Variants in LARP4B observed in about 807,000 individuals in gnomAD.
The protein encoded by LARP4B is La ribonucleoprotein 4B.
LARP4B carries 12 observed loss-of-function variants against 89.8 expected under a neutral mutation model. The ratio of observed to expected loss-of-function variants is 0.13; its 90% CI spans 0.09 to 0.22. The LOEUF is 0.22. Among genes scored for constraint, LARP4B ranks in the 10% least tolerant of loss-of-function variants. The pLI, the probability that LARP4B is intolerant of heterozygous loss-of-function variation, is 1.00. For synonymous variants in LARP4B, 367 were observed against 363.3 expected, an observed-to-expected ratio of 1.01 and a Z score of -0.12; for missense variants, 757 against 947.7, an observed-to-expected ratio of 0.80 and a Z score of 2.64.
At position 884,450 on chromosome 10, in the gene LARP4B, A is replaced by G. The variant is rs751030608; in HGVS notation, c.138T>C (p.Ser46=). 8.2e-6 allele frequency: 13 copies of G among 1,593,806 alleles called. No homozygotes were observed. The Admixed American group carries it at 2.2e-4, about 27-fold the overall frequency. ...ATTAATCTCAAAATTGAATTACCTG[A>G]CTCAAAGGTGGGATGGAACTTGTCT... The part of the protein sequence containing the change: ...TSQTSSIPPL[S]QVPATKVSEL... Residue 46 remains serine, a synonymous_variant, in exon 3 of 18, where the codon AGT becomes AGC. Coordinates refer to ENST00000316157, the MANE Select transcript of LARP4B (RefSeq NM_015155.3).
chr10:875,951 A>G (rs1468662843), intron 3 of LARP4B, among the ~76,000 whole-genome samples: 1 of 152,162 alleles, frequency 6.6e-6, no homozygotes, highest in Non-Finnish European at 1.5e-5. Flanking sequence ...CATCAACTTA[A>G]AAGTCCAGAG....
chr10:830,043 T>C (rs1455955280), intron 9 of LARP4B, among the ~76,000 whole-genome samples: 2 of 152,216 alleles, frequency 1.3e-5, no homozygotes, highest in Non-Finnish European at 2.9e-5. Flanking sequence ...TGATGAATAC[T>C]GAGTTCCTAG....
At chr10:892,548 T>A (rs1284126161) in intron 1 of LARP4B, among the ~76,000 whole-genome samples, 1 of 152,166 alleles carries the variant, frequency 6.6e-6, no homozygotes, top group Non-Finnish European at 1.5e-5. Context: ...TCGTTAATTT[T>A]TTTTTTTTTG....
At chr10:893,501 C>T (rs577176683) in intron 1 of LARP4B, among the ~76,000 whole-genome samples, 2 of 152,278 alleles carry the variant, frequency 1.3e-5, no homozygotes, top group Admixed American at 1.3e-4. Flanking sequence ...GCTTCCTTTG[C>T]AATACACCAC....
At chr10:938,800 TTGTC>T in the LARP4B span, among the ~76,000 whole-genome samples, 9 of 152,310 alleles carry the variant, frequency 5.9e-5, no homozygotes, top group South Asian at 1.4e-3. Flanking sequence ...TGGCTGCAAT[TTGTC>T]TGTAAACTTG....
chr10:936,046 C>A (rs911610022), upstream of LARP4B, among the ~76,000 whole-genome samples: 1 of 151,998 alleles, frequency 6.6e-6, no homozygotes, highest in Non-Finnish European at 1.5e-5. Flanking sequence ...TATTTTATCC[C>A]GAAGCATTTT....
chr10:909,286 T>A (rs1278689254), intron 1 of LARP4B, among the ~76,000 whole-genome samples: 2 of 98,712 alleles, frequency 2.0e-5, no homozygotes, highest in African/African-American at 8.2e-5. Context: ...AGAGCACGAC[T>A]CCGTCTCAAA....
At chr10:891,372 T>C (rs1836013920) in intron 1 of LARP4B, among the ~76,000 whole-genome samples, 1 of 152,094 alleles carries the variant, frequency 6.6e-6, no homozygotes, top group Non-Finnish European at 1.5e-5. Context: ...AGAAAAACGA[T>C]AATCAGAGAA....
chr10:948,505 C>A, the LARP4B span, among the ~76,000 whole-genome samples: 5 of 152,340 alleles, frequency 3.3e-5, no homozygotes, highest in South Asian at 1.0e-3. Context: ...ACCTGGGCCT[C>A]CCAAGTGCCG....
intron 3 of LARP4B, among the ~76,000 whole-genome samples, chr10:870,543 C>T (rs1167721814): frequency 3.3e-5 from 5 of 152,164 alleles, no homozygotes; most frequent in African/African-American, 9.7e-5. Flanking sequence ...TCAAAACTCA[C>T]CTTAGCATTT....
At chr10:847,482 G>A (rs181635726) in intron 5 of LARP4B, among the ~76,000 whole-genome samples, 267 of 151,634 alleles carry the variant, frequency 1.8e-3, no homozygotes, top group African/African-American at 6.1e-3. Context: ...GGGACATAGA[G>A]CAACAAAGGA....
intron 3 of LARP4B, among the ~76,000 whole-genome samples, chr10:876,707 C>T (rs542143995): frequency 6.8e-6 from 1 of 146,798 alleles, no homozygotes; most frequent in African/African-American, 2.5e-5. Flanking sequence ...GCTCCCAGGC[C>T]ACTCCCATGA....
chr10:905,659 AGGGGAGGAG>A (rs1836469525), intron 1 of LARP4B, among the ~76,000 whole-genome samples: 5 of 151,568 alleles, frequency 3.3e-5, no homozygotes, highest in Admixed American at 3.3e-4. Flanking sequence ...GAACGTGGGG[AGGGGAGGAG>A]CTGAGGAGCA....
At chr10:881,940 T>C (rs1407502766) in intron 3 of LARP4B, among the ~76,000 whole-genome samples, 2 of 152,200 alleles carry the variant, frequency 1.3e-5, no homozygotes, top group African/African-American at 4.8e-5. Flanking sequence ...GATGAATGGA[T>C]GGATACTCAA....
intron 3 of LARP4B, chr10:869,904 AAAT>A (rs140243543): frequency 0.25 from 39,371 of 156,608 alleles, 5,892 homozygotes; most frequent in African/African-American, 0.39. Flanking sequence ...CTCAAAAAAT[AAAT>A]AATAATAATA....
the LARP4B span, among the ~76,000 whole-genome samples, chr10:938,593 TTTATC>T: frequency 5.3e-5 from 8 of 152,306 alleles, no homozygotes; most frequent in South Asian, 4.1e-4. Flanking sequence ...GAGAATGTCT[TTTATC>T]TTAGGAGATA....
intron 5 of LARP4B, among the ~76,000 whole-genome samples, chr10:862,466 G>C (rs529774596): frequency 2.0e-5 from 3 of 152,116 alleles, no homozygotes; most frequent in Non-Finnish European, 4.4e-5. Flanking sequence ...AGTGGGGTGG[G>C]GGAGGGGACA....
chr10:866,542 C>T (rs1037199120), intron 3 of LARP4B, among the ~76,000 whole-genome samples: 1 of 152,216 alleles, frequency 6.6e-6, no homozygotes, highest in African/African-American at 2.4e-5. Context: ...GCGTTTACGC[C>T]GCTCCACCTG....
intron 11 of LARP4B, among the ~76,000 whole-genome samples, chr10:826,804 G>A (rs12249634): frequency 0.15 from 23,015 of 152,134 alleles, 1,951 homozygotes; most frequent in Non-Finnish European, 0.19. Context: ...TTTGGAGGAA[G>A]AGAGAAAGGA....
Sources: gnomAD v4.1 joint callset for allele counts (sites outside exome capture counted in the v4.1 genomes callset) on GRCh38, gnomAD v4.1.1 for gene constraint, MANE v1.5 for transcripts, NCBI Gene and HGNC (gene_info 2026-07-23, HGNC 2026-07-21) for gene names.